MYBPC1: variants seen among roughly 807,000 people sequenced by gnomAD.
The protein encoded by MYBPC1 is myosin binding protein C1.
A neutral mutation model predicts 147.1 loss-of-function variants in MYBPC1; 52 were observed. The observed-to-expected ratio is 0.35, with a 90% CI of 0.28 to 0.45. The LOEUF is 0.45. MYBPC1 is among the 20% of genes least tolerant of loss of function. MYBPC1 has a pLI of 1.00. For synonymous variants in MYBPC1, 477 were observed against 475.9 expected, an observed-to-expected ratio of 1.00 and a Z score of -0.03; for missense variants, 1,228 against 1,440.3, an observed-to-expected ratio of 0.85 and a Z score of 2.39.
At chr12:101,685,196 T>C (rs569249055) in intron 31 of MYBPC1, among the ~76,000 whole-genome samples, 1 of 152,334 alleles carries the variant, frequency 6.6e-6, no homozygotes, top group East Asian at 1.9e-4. Context: ...TGGAAGCAGA[T>C]CTTCCCACTG....
intron 4 of MYBPC1, 29 bp downstream of exon 4, chr12:101,626,939 C>G (rs767907955): frequency 3.2e-6 from 5 of 1,585,156 alleles, no homozygotes; most frequent in Non-Finnish European, 4.3e-6. Context: ...CTTTTCCCTG[C>G]TTTTAAATAT....
chr12:101,602,181 A>C lies in MYBPC1; in HGVS notation c.25+7086A>C, dbSNP rs142684882. ...ACTCTTTGGGTCTCAGTAAGAATTA[A>C]CTGAAATACACCAGGTAAAGTGCTT... is the stretch of plus-strand genomic sequence containing the variant. On this transcript the variant is annotated intron_variant, in intron 1 of 31. Coordinates refer to ENST00000361466, the MANE Select transcript of MYBPC1 (RefSeq NM_002465.4). 2.4e-4 allele frequency among the ~76,000 whole-genome samples: 36 copies of C among 152,186 alleles called. 1 individual carries two copies. The East Asian group carries it at 6.4e-3, about 27-fold the overall frequency.
intron 27 of MYBPC1, 138 bp from the exon 28 acceptor site, chr12:101,677,963 GC>G (rs1439384405): frequency 7.4e-6 from 8 of 1,081,406 alleles, no homozygotes; most frequent in African/African-American, 1.6e-5. Context: ...CAGAATGTTT[GC>G]CACATGGCAT....
chr12:101,637,762 T>C (rs764876682), intron 10 of MYBPC1, among the ~76,000 whole-genome samples: 5 of 152,184 alleles, frequency 3.3e-5, no homozygotes, highest in Admixed American at 1.3e-4. Context: ...TTTAGTTAGA[T>C]AGCTGTATTG....
chr12:101,631,911 T>C, intron 7 of MYBPC1, 110 bp from the exon 8 acceptor site: 3 of 1,290,354 alleles, frequency 2.3e-6, no homozygotes, highest in South Asian at 2.4e-5. Context: ...TGCCCTCCTA[T>C]AGTGAGAACA....
intron 22 of MYBPC1, 145 bp from the exon 23 acceptor site, chr12:101,667,587 C>T (rs1294121951): frequency 8.1e-6 from 7 of 866,038 alleles, no homozygotes; most frequent in East Asian, 2.7e-5. Context: ...CCCATGTAGT[C>T]GGAGTCCAGA....
At chr12:101,620,094 C>T (rs1404601879) in intron 3 of MYBPC1, among the ~76,000 whole-genome samples, 2 of 152,160 alleles carry the variant, frequency 1.3e-5, no homozygotes, top group East Asian at 1.9e-4. Flanking sequence ...CTATCCTGTT[C>T]CTTAATACTG....
chr12:101,629,101 C>A, intron 5 of MYBPC1: 1 of 368,642 alleles, frequency 2.7e-6, no homozygotes, highest in Non-Finnish European at 5.2e-6. Flanking sequence ...ATACACTGGC[C>A]ACCATTGTTT....
rs1900221140 is a variant in MYBPC1, at chr12:101,677,300, G to A, written c.3015G>A (p.Gly1005=). The A allele has an allele frequency of 6.2e-7, 1 of 1,613,856 alleles. No homozygotes were observed. Among genetic ancestry groups the A allele is most frequent in the Admixed American group, 1.7e-5 (1 of 59,998 alleles). ...CCACCATTACTGAATTGGTCATAGG[G>A]AATGAATATTACTTCCGGGTCTTTT... ...TSATITELVI[G]NEYYFRVFSE... The change falls in exon 27 of 32, where the codon GGG becomes GGA. Residue 1005 remains glycine, a synonymous_variant. Transcript: ENST00000361466.
At chr12:101,669,277 T>C (rs1175923623) in intron 23 of MYBPC1, among the ~76,000 whole-genome samples, 2 of 152,180 alleles carry the variant, frequency 1.3e-5, no homozygotes, top group African/African-American at 4.8e-5. Flanking sequence ...TAGGTGACTT[T>C]TTTGCACAGA....
At chr12:101,606,510 C>T (rs1165951685) in intron 1 of MYBPC1, among the ~76,000 whole-genome samples, 1 of 148,190 alleles carries the variant, frequency 6.7e-6, no homozygotes, top group East Asian at 1.9e-4. Context: ...CACTACATTG[C>T]CCGGCCTGGT....
rs1239629750 is a variant in MYBPC1, at chr12:101,644,680, T to C, written c.849T>C (p.Leu283=). 3 of 1,613,942 alleles carry C rather than the reference T, an allele frequency of 1.9e-6. No homozygotes were observed. The highest frequency in any genetic ancestry group is 1.7e-6 in the Non-Finnish European group (2 of 1,179,830). ...EKKSAAFAKI[L]DPAYQVDKGG... Reference sequence around the variant, plus strand: ...TTCTATCAGCTTTTGCAAAAATTCTTGATCCTGCATATCAGGTTGACAAAG... The same window carrying C: ...TTCTATCAGCTTTTGCAAAAATTCTCGATCCTGCATATCAGGTTGACAAAG... Residue 283 remains leucine (L), a synonymous_variant, in exon 12 of 32, where the codon CTT becomes CTC. Transcript: ENST00000361466.
At chr12:101,679,555 G>A (rs12312930) in intron 28 of MYBPC1, among the ~76,000 whole-genome samples, 367 of 152,286 alleles carry the variant, frequency 2.4e-3, no homozygotes, top group African/African-American at 8.6e-3. Context: ...CAATATGAGA[G>A]TGAGGAGTCA....
At chr12:101,687,140 C>T (rs533736174), downstream of MYBPC1, among the ~76,000 whole-genome samples, 126 of 151,930 alleles carry the variant, frequency 8.3e-4, no homozygotes, top group Middle Eastern at 3.4e-3. Context: ...TTGTTGCATA[C>T]GTATACATGT....
At chr12:101,692,826 T>C in the MYBPC1 span, among the ~76,000 whole-genome samples, 2 of 152,174 alleles carry the variant, frequency 1.3e-5, no homozygotes, top group Admixed American at 6.5e-5. Context: ...GAAATAAACA[T>C]GGCTTTAGTA....
chr12:101,648,279 A>T lies in MYBPC1; in HGVS notation c.1196+129A>T. Reference sequence around the variant, plus strand: ...CAATCTCCACCTCATTTGTGTTAGTAGAGATGATAAATAAAAGTATACTAA... The same window carrying T: ...CAATCTCCACCTCATTTGTGTTAGTTGAGATGATAAATAAAAGTATACTAA... On this transcript the variant is annotated intron_variant, in intron 14 of 31. Transcript: ENST00000361466. 6.2e-6 allele frequency: 4 copies of T among 650,156 alleles called. No homozygotes were observed. In the South Asian group the frequency reaches 6.4e-5, roughly 10 times the overall value. 40.3% of individuals were successfully genotyped at this position (650,156 alleles called of 1,614,324 possible).
intron 4 of MYBPC1, 105 bp from the exon 5 acceptor site, chr12:101,627,664 C>T: frequency 7.7e-7 from 1 of 1,303,890 alleles, no homozygotes; most frequent in Non-Finnish European, 1.1e-6. Context: ...CTTCCTATCA[C>T]CAGAGGAGAC....
downstream of MYBPC1, among the ~76,000 whole-genome samples, chr12:101,686,837 T>C (rs1257646582): frequency 1.3e-5 from 2 of 152,178 alleles, no homozygotes; most frequent in African/African-American, 2.4e-5. Context: ...ATGATTCAGG[T>C]CGTTGCAGTA....
chr12:101,599,548 G>A (rs1329709828), intron 1 of MYBPC1, among the ~76,000 whole-genome samples: 1 of 152,102 alleles, frequency 6.6e-6, no homozygotes. Flanking sequence ...TTGACCTTCA[G>A]TTTCTACCTG....
Sources: allele counts gnomAD v4.1 joint callset (sites outside exome capture counted in the v4.1 genomes callset), GRCh38; gene constraint gnomAD v4.1.1; transcripts MANE v1.5; gene names NCBI Gene and HGNC (gene_info 2026-07-23, HGNC 2026-07-21).